ATRNL1: variants seen among roughly 807,000 people sequenced by gnomAD.
The protein encoded by ATRNL1 is attractin-like protein 1.
Under a neutral mutation model 182.7 loss-of-function variants are expected in ATRNL1, and 95 were observed. That is an observed-to-expected ratio of 0.52 (90% CI 0.44 to 0.62). ATRNL1 has a LOEUF of 0.62. Ranked by LOEUF, ATRNL1 falls within the 20% of genes least tolerant of loss-of-function variation. ATRNL1 has a pLI of 0.00. For missense variants in ATRNL1, 1,471 were observed against 1,679.5 expected, an observed-to-expected ratio of 0.88 and a Z score of 2.17; for synonymous variants, 576 against 568.3, an observed-to-expected ratio of 1.01 and a Z score of -0.19.
At chr10:115,449,188 T>C (rs1847162585) in intron 21 of ATRNL1, among the ~76,000 whole-genome samples, 1 of 152,102 alleles carries the variant, frequency 6.6e-6, no homozygotes, top group African/African-American at 2.4e-5. Flanking sequence ...CTCCCCTGAT[T>C]CTGTACCCAT....
chr10:115,841,029 G>T (rs909618807), intron 27 of ATRNL1, among the ~76,000 whole-genome samples: 1 of 152,056 alleles, frequency 6.6e-6, no homozygotes, highest in African/African-American at 2.4e-5. Context: ...AGTACAGGTT[G>T]TTACAAACCT....
chr10:115,482,256 C>T (rs1848804544), intron 24 of ATRNL1, among the ~76,000 whole-genome samples: 1 of 150,912 alleles, frequency 6.6e-6, no homozygotes, highest in Non-Finnish European at 1.5e-5. Flanking sequence ...TAAATATTGC[C>T]TTACAAATGA....
chr10:115,177,868 G>A (rs1458447657), intron 8 of ATRNL1, among the ~76,000 whole-genome samples: 2 of 138,132 alleles, frequency 1.4e-5, no homozygotes, highest in African/African-American at 5.5e-5. Context: ...CAGGAAGGGA[G>A]CTGTGTTTTT....
At chr10:115,368,361 A>G (rs1366482090) in intron 19 of ATRNL1, among the ~76,000 whole-genome samples, 3 of 152,226 alleles carry the variant, frequency 2.0e-5, no homozygotes, top group Non-Finnish European at 4.4e-5. Context: ...CAAGTGAGGC[A>G]AAGCCTCGCC....
At chr10:115,664,976 G>T (rs782100582) in intron 26 of ATRNL1, among the ~76,000 whole-genome samples, 1 of 152,006 alleles carries the variant, frequency 6.6e-6, no homozygotes, top group Non-Finnish European at 1.5e-5. Context: ...TAATTTTAAA[G>T]CCAAAGATAA....
intron 13 of ATRNL1, among the ~76,000 whole-genome samples, chr10:115,271,830 A>G (rs562059790): frequency 6.6e-6 from 1 of 152,260 alleles, no homozygotes; most frequent in East Asian, 1.9e-4. Flanking sequence ...AGGGTAATAT[A>G]ATTTGGACAT....
chr10:115,635,566 A>G (rs782513769), intron 26 of ATRNL1, among the ~76,000 whole-genome samples: 8 of 152,202 alleles, frequency 5.3e-5, no homozygotes, highest in Non-Finnish European at 1.2e-4. Flanking sequence ...TTTGATAATT[A>G]TTTGGCAGTA....
At chr10:115,904,194 C>T (rs2134499976) in intron 28 of ATRNL1, among the ~76,000 whole-genome samples, 1 of 152,244 alleles carries the variant, frequency 6.6e-6, no homozygotes, top group African/African-American at 2.4e-5. Flanking sequence ...CAGGAATGGA[C>T]CCTGTACCAC....
chr10:115,119,424 T>C (rs1554870911), intron 1 of ATRNL1, among the ~76,000 whole-genome samples: 1 of 152,036 alleles, frequency 6.6e-6, no homozygotes, highest in Non-Finnish European at 1.5e-5. Context: ...AAGTATAGTA[T>C]ATAAATGTTA....
In ATRNL1 at chr10:115,925,180, A is replaced by G. The variant is rs1953187212; in HGVS notation, c.4019-19478A>G. 2.0e-5 allele frequency among the ~76,000 whole-genome samples: 3 copies of G among 152,172 alleles called. No individual in the cohort carries two copies. The South Asian group carries it at 6.2e-4, about 31-fold the overall frequency. ...GATGGGGCTTTCTAAATATAAAATCATGTCCTCTGCAAACAGAGACAATTT... is the reference window on the plus strand; with the variant it reads ...GATGGGGCTTTCTAAATATAAAATCGTGTCCTCTGCAAACAGAGACAATTT... On this transcript the variant is annotated intron_variant, in intron 28 of 28. Transcript: ENST00000355044.
intron 13 of ATRNL1, among the ~76,000 whole-genome samples, chr10:115,281,104 G>C (rs1310514054): frequency 1.3e-5 from 2 of 152,186 alleles, no homozygotes; most frequent in African/African-American, 4.8e-5. Flanking sequence ...GAATATGCTT[G>C]TAAGTTAGGT....
chr10:115,807,265 G>GTCACCAC (rs1179821501), intron 27 of ATRNL1, among the ~76,000 whole-genome samples: 10 of 152,046 alleles, frequency 6.6e-5, no homozygotes, highest in Non-Finnish European at 1.0e-4. Flanking sequence ...ACAAGCGTGT[G>GTCACCAC]TCACCACACC....
chr10:115,359,409 G>A (rs1856637975), intron 19 of ATRNL1, among the ~76,000 whole-genome samples: 1 of 151,416 alleles, frequency 6.6e-6, no homozygotes, highest in South Asian at 2.1e-4. Context: ...TAGCAAACGA[G>A]TTTTCTAGTT....
chr10:115,743,235 T>C (rs1348819216), intron 27 of ATRNL1, among the ~76,000 whole-genome samples: 4 of 5,448 alleles, frequency 7.3e-4, no homozygotes, highest in East Asian at 0.017. Context: ...CTATCTCTTA[T>C]AGTAAAAAAA....
chr10:115,371,973 G>A (rs576288241), intron 19 of ATRNL1, among the ~76,000 whole-genome samples: 20 of 152,242 alleles, frequency 1.3e-4, no homozygotes, highest in African/African-American at 4.3e-4. Flanking sequence ...TAAGTCTCAC[G>A]AGATCTGATG....
At chr10:115,369,043 G>A (rs909506780) in intron 19 of ATRNL1, among the ~76,000 whole-genome samples, 5 of 151,934 alleles carry the variant, frequency 3.3e-5, no homozygotes, top group Admixed American at 6.6e-5. Context: ...TACTGCATAC[G>A]AGTGAAATCA....
At chr10:115,395,150 T>C (rs1844222694) in intron 20 of ATRNL1, among the ~76,000 whole-genome samples, 1 of 151,992 alleles carries the variant, frequency 6.6e-6, no homozygotes, top group Non-Finnish European at 1.5e-5. Flanking sequence ...GTTAATTTGC[T>C]TAGGATAATG....
At chr10:115,783,728 T>C (rs1031917828) in intron 27 of ATRNL1, among the ~76,000 whole-genome samples, 1 of 152,084 alleles carries the variant, frequency 6.6e-6, no homozygotes, top group Non-Finnish European at 1.5e-5. Context: ...TATAAAGTGA[T>C]TCGGGGCCGG....
chr10:115,156,122 A>T (rs1245042954), intron 5 of ATRNL1, among the ~76,000 whole-genome samples: 2 of 152,152 alleles, frequency 1.3e-5, no homozygotes, highest in Non-Finnish European at 2.9e-5. Context: ...GGGAACAGGG[A>T]CAGCAAGACT....
Sources: allele counts gnomAD v4.1 joint callset (sites outside exome capture counted in the v4.1 genomes callset), GRCh38; gene constraint gnomAD v4.1.1; transcripts MANE v1.5; gene names NCBI Gene and HGNC (gene_info 2026-07-23, HGNC 2026-07-21).